The following AMPD3 variants were observed in gnomAD, a reference collection of about 807,000 sequenced individuals.
AMPD3 encodes adenosine monophosphate deaminase 3.
AMPD3 carries 57 observed loss-of-function variants against 82.3 expected under a neutral mutation model. The observed-to-expected ratio is 0.69, with a 90% CI of 0.56 to 0.86. AMPD3 has a LOEUF of 0.86. AMPD3 is among the 40% of genes least tolerant of loss of function. The pLI is 0.00. For synonymous variants in AMPD3, 381 were observed against 394.7 expected, an observed-to-expected ratio of 0.97 and a Z score of 0.41; for missense variants, 870 against 1,003.8, an observed-to-expected ratio of 0.87 and a Z score of 1.80.
Position 10,456,844 on chromosome 11 carries a change from C to A in AMPD3, c.-6+1396C>A, listed in dbSNP as rs574434104. On this transcript the variant is annotated intron_variant, in intron 1 of 14. Transcript: ENST00000396553. The surrounding 1 kb of genome is among the most constrained non-coding windows in gnomAD (Gnocchi z 4.3). ...GGAGGGACGGGTTGGCAGGTGGGAGCTGTCTGCCAAGGACATCCAGAAGGC... is the reference window on the plus strand; with the variant it reads ...GGAGGGACGGGTTGGCAGGTGGGAGATGTCTGCCAAGGACATCCAGAAGGC... 6.6e-6 allele frequency among the ~76,000 whole-genome samples: 1 copy of A among 152,326 alleles called. No individual in the cohort carries two copies. Among genetic ancestry groups the A allele is most frequent in the East Asian group, 1.9e-4 (1 of 5,186 alleles).
chr11:10,461,829 T>TATCA, intron 2 of AMPD3, 89 bp downstream of exon 2: 2 of 1,253,646 alleles, frequency 1.6e-6, no homozygotes, highest in Non-Finnish European at 2.3e-6. Flanking sequence ...AGGCACCTCA[T>TATCA]GGGGACTGGT....
At chr11:10,504,105 G>T (rs1379707795) in intron 13 of AMPD3, 1 of 896,644 alleles carries the variant, frequency 1.1e-6, no homozygotes, top group Non-Finnish European at 1.3e-6. Context: ...TCTGCTTTTA[G>T]TACTTTACTC....
chr11:10,488,457 G>A (rs536059953), intron 6 of AMPD3: 10 of 933,282 alleles, frequency 1.1e-5, no homozygotes, highest in Non-Finnish European at 1.2e-5. Context: ...TCAGGAGGGA[G>A]GGATGGTATG....
intron 12 of AMPD3, chr11:10,502,189 G>T (rs910373830): frequency 4.1e-6 from 4 of 985,304 alleles, no homozygotes; most frequent in African/African-American, 3.5e-5. Flanking sequence ...CCTGATCCCG[G>T]TGAGGTGTAA....
intron 5 of AMPD3, among the ~76,000 whole-genome samples, chr11:10,485,363 C>T (rs527843989): frequency 6.6e-6 from 1 of 152,282 alleles, no homozygotes; most frequent in East Asian, 1.9e-4. Context: ...TCTCTTGCCT[C>T]AGCGTCCTGA....
rs1167323066 is a variant in AMPD3 at position 10,507,446 on chromosome 11, G to C, written c.*1562G>C. On this transcript the variant is annotated 3_prime_UTR_variant, in exon 15 of 15. Transcript: ENST00000396553. Reference sequence around the variant, plus strand: ...TGAATGAAAATCCATTGTTATCTTAGGGATTAGTTTTGAAAAGCCCCCGTT... The same window carrying C: ...TGAATGAAAATCCATTGTTATCTTACGGATTAGTTTTGAAAAGCCCCCGTT... The C allele has an allele frequency of 6.6e-6, 1 of 151,796 alleles. No individual in the cohort carries two copies. Among genetic ancestry groups the C allele is most frequent in the African/African-American group, 2.4e-5 (1 of 41,088 alleles). 9.4% of individuals were successfully genotyped at this position (151,796 alleles called of 1,614,324 possible).
At chr11:10,496,608 G>A (rs1291200232) in intron 9 of AMPD3, 7 of 965,592 alleles carry the variant, frequency 7.2e-6, no homozygotes, top group African/African-American at 1.8e-5. Context: ...ATGGGTAGGT[G>A]TGGAGCTTGC....
At chr11:10,484,171 A>T in intron 4 of AMPD3, 1 of 878,648 alleles carries the variant, frequency 1.1e-6, no homozygotes, top group Non-Finnish European at 1.4e-6. Flanking sequence ...GAGTTTGCTG[A>T]AAGTCTCACA....
intron 3 of AMPD3, chr11:10,479,840 T>G: frequency 3.3e-6 from 3 of 922,280 alleles, no homozygotes; most frequent in Non-Finnish European, 3.9e-6. Context: ...TATTCCTTTA[T>G]GAGGATATAT....
chr11:10,494,476 G>C, intron 7 of AMPD3: 1 of 820,732 alleles, frequency 1.2e-6, no homozygotes. Flanking sequence ...TGGTTGAAAT[G>C]GTAAACGTTG....
rs147583663 is a variant in AMPD3 at position 10,458,945 on chromosome 11, G to T, written c.-5-2570G>T. ...CCTTGATTGGTGGCCTTGGAATAAG[G>T]GGGGAGGTGAGGATCCAGTTTCGTT... is the stretch of plus-strand genomic sequence containing the variant. On this transcript the variant is annotated intron_variant, in intron 1 of 14. Transcript: ENST00000396553. Among the ~76,000 whole-genome samples the T allele has an allele frequency of 2.8e-4, 42 of 152,248 alleles. 1 individual carries two copies. The East Asian group carries it at 6.6e-3, about 24-fold the overall frequency.
chr11:10,488,219 T>G lies in AMPD3; in HGVS notation c.939+855T>G, dbSNP rs150181568. The G allele has an allele frequency of 7.7e-4, 763 of 985,474 alleles. 17 individuals are homozygous for G. The East Asian group carries it at 0.041, about 53-fold the overall frequency. The allele number at this position is 985,474 out of a possible 1,614,324, so 61.0% of individuals were successfully genotyped here. A position where few individuals can be genotyped will look rare whatever the true frequency, so the allele number is the denominator to read the frequency against. ...AGCGAAGGTTAAATGATCATGGCCC[T>G]AGCCTTTCCATTCTCTTTTGCTGAA... On this transcript the variant is annotated intron_variant, in intron 6 of 14. Transcript: ENST00000396553.
At chr11:10,483,536 G>A (rs572684384) in intron 4 of AMPD3, among the ~76,000 whole-genome samples, 96 of 152,362 alleles carry the variant, frequency 6.3e-4, no homozygotes, top group Non-Finnish European at 1.1e-3. Context: ...ACTGTCAAAT[G>A]TGTACTTTAC....
At chr11:10,497,380 C>T (rs561766791) in intron 10 of AMPD3, among the ~76,000 whole-genome samples, 130 of 152,222 alleles carry the variant, frequency 8.5e-4, no homozygotes, top group Middle Eastern at 3.4e-3. Flanking sequence ...AGTACAAGCC[C>T]CTAAAGTGTA....
intron 2 of AMPD3, chr11:10,477,805 C>T (rs1591459472): frequency 2.2e-6 from 2 of 909,314 alleles, no homozygotes; most frequent in East Asian, 1.2e-4. Context: ...GACTTTGTGC[C>T]AGCCCTTTCC....
chr11:10,500,895 G>C (rs911773330), intron 11 of AMPD3: 2 of 985,312 alleles, frequency 2.0e-6, no homozygotes, highest in Non-Finnish European at 2.4e-6. Flanking sequence ...ACTTTCCCCT[G>C]CTGGGCCCTG....
intron 8 of AMPD3, 31 bp downstream of exon 8, chr11:10,495,061 C>G (rs1564854119): frequency 1.9e-6 from 3 of 1,613,914 alleles, no homozygotes; most frequent in Middle Eastern, 1.7e-4. Flanking sequence ...TCTGAGGCCT[C>G]TCAGGTGCCT....
chr11:10,504,344 G>A (rs886415169), intron 13 of AMPD3: 3 of 541,372 alleles, frequency 5.5e-6, no homozygotes, highest in African/African-American at 4.1e-5. Flanking sequence ...ATGTAGAGGC[G>A]TGATTTTAGA....
chr11:10,492,603 G>A (rs918410572), intron 6 of AMPD3, among the ~76,000 whole-genome samples: 6 of 152,186 alleles, frequency 3.9e-5, no homozygotes, highest in Admixed American at 3.9e-4. Flanking sequence ...TTCATCCATT[G>A]GTTCGACTTT....
Sources: gnomAD v4.1 joint callset for allele counts (sites outside exome capture counted in the v4.1 genomes callset) on GRCh38, gnomAD v4.1.1 for gene constraint, Gnocchi (gnomAD v3.1) non-coding constraint, MANE v1.5 for transcripts, NCBI Gene and HGNC (gene_info 2026-07-23, HGNC 2026-07-21) for gene names.